KLRF1: variants seen among roughly 807,000 people sequenced by gnomAD.
KLRF1 encodes killer cell lectin like receptor F1.
In KLRF1, 27 loss-of-function variants were observed where a neutral mutation model predicts 30.7. The observed-to-expected ratio is 0.88, with a 90% CI of 0.65 to 1.21. The LOEUF (loss-of-function observed/expected upper bound fraction) is 1.21. Among genes scored for constraint, KLRF1 ranks in the 50% most tolerant of loss-of-function variants. KLRF1 has a pLI of 0.00. For synonymous variants in KLRF1, 92 were observed against 89.3 expected (o/e 1.03, Z -0.17); for missense variants, 246 against 259.3 (o/e 0.95, Z 0.35).
rs376493700 is a variant in KLRF1 at position 9,833,455 on chromosome 12, A to G, written c.334+3A>G. 2.4e-5 allele frequency: 39 copies of G among 1,598,850 alleles called. No homozygotes were observed. In the South Asian group the frequency reaches 3.3e-4, roughly 13 times the overall value. On this transcript the variant is annotated splice_donor_region_variant and intron_variant, in intron 3 of 5. Coordinates refer to ENST00000617889, the MANE Select transcript of KLRF1 (RefSeq NM_016523.3). ...TTCGAGATCTGCAGACCAGACAGGT[A>G]TGTCTCAAGGCTTTGGCTTATCCTA...
chr12:9,844,490 C>T lies in KLRF1; in HGVS notation c.660C>T (p.Thr220=), dbSNP rs778776475. 9.9e-6 allele frequency: 16 copies of T among 1,608,386 alleles called. No homozygotes were observed. The African/African-American group carries it at 1.9e-4, about 19-fold the overall frequency. The part of the protein sequence containing the change: ...AIKESKIFSE[T]CSSVFKWICQ... ...AGGAAAGCAAAATTTTCTCTGAAAC[C>T]TGCAGCAGTGTTTTCAAATGGATTT... The change falls in exon 6 of 6, where the codon ACC becomes ACT. Residue 220 remains threonine (T), a synonymous_variant. Coordinates refer to ENST00000617889, the MANE Select transcript of KLRF1 (RefSeq NM_016523.3).
intron 1 of KLRF1, among the ~76,000 whole-genome samples, chr12:9,827,880 A>T (rs1297165273): frequency 6.6e-6 from 1 of 152,178 alleles, no homozygotes; most frequent in Non-Finnish European, 1.5e-5. Context: ...ATTTAATCTT[A>T]CAAATTTACT....
intron 1 of KLRF1, among the ~76,000 whole-genome samples, chr12:9,829,899 G>C (rs994788826): frequency 1.3e-5 from 2 of 152,054 alleles, no homozygotes; most frequent in Non-Finnish European, 2.9e-5. Flanking sequence ...TCACTCTTTT[G>C]TTCTTTCAGA....
chr12:9,843,203 T>C (rs1271552858), intron 5 of KLRF1, among the ~76,000 whole-genome samples: 4 of 152,192 alleles, frequency 2.6e-5, no homozygotes, highest in African/African-American at 9.6e-5. Flanking sequence ...ATTCATATGA[T>C]GTGAAATCAC....
intron 3 of KLRF1, among the ~76,000 whole-genome samples, chr12:9,841,227 T>C (rs188557254): frequency 4.9e-4 from 74 of 152,134 alleles, no homozygotes; most frequent in African/African-American, 1.7e-3. Flanking sequence ...AGCCAAACAT[T>C]GCATGTTCTC....
At chr12:9,826,820 T>G (rs1363200438), upstream of KLRF1, among the ~76,000 whole-genome samples, 1 of 152,106 alleles carries the variant, frequency 6.6e-6, no homozygotes, top group African/African-American at 2.4e-5. Context: ...ATCTAAATGA[T>G]GAGAACACAT....
At chr12:9,805,209 A>G in the KLRF1 span, among the ~76,000 whole-genome samples, 1 of 151,954 alleles carries the variant, frequency 6.6e-6, no homozygotes, top group African/African-American at 2.4e-5. Flanking sequence ...AAATAATAGA[A>G]ATTTATTTCT....
chr12:9,808,869 T>G, the KLRF1 span, among the ~76,000 whole-genome samples: 1 of 152,168 alleles, frequency 6.6e-6, no homozygotes, highest in Non-Finnish European at 1.5e-5. Flanking sequence ...CTGAGATGTA[T>G]GCCACAGAAT....
the KLRF1 span, among the ~76,000 whole-genome samples, chr12:9,809,252 G>A: frequency 4.6e-5 from 7 of 152,134 alleles, no homozygotes; most frequent in Non-Finnish European, 1.0e-4. Flanking sequence ...ATAAGATTGT[G>A]TGAAGTAATG....
At chr12:9,817,401 C>G in the KLRF1 span, 3 of 392,282 alleles carry the variant, frequency 7.6e-6, no homozygotes, top group Non-Finnish European at 1.5e-5. Flanking sequence ...TAGCTGATCT[C>G]TAGTTTCTCT....
intron 3 of KLRF1, among the ~76,000 whole-genome samples, chr12:9,836,107 G>A (rs1048393762): frequency 6.6e-5 from 10 of 152,186 alleles, no homozygotes; most frequent in Admixed American, 6.5e-4. Flanking sequence ...GAAATGGCTA[G>A]GAGAGAATAA....
At chr12:9,807,419 G>A in the KLRF1 span, among the ~76,000 whole-genome samples, 2 of 151,782 alleles carry the variant, frequency 1.3e-5, no homozygotes, top group South Asian at 4.2e-4. Context: ...TGTTTCTCAG[G>A]TATCTGATAC....
At chr12:9,805,910 CGTATTTTCTTG>C in the KLRF1 span, among the ~76,000 whole-genome samples, 1 of 151,608 alleles carries the variant, frequency 6.6e-6, no homozygotes, top group African/African-American at 2.4e-5. Context: ...TGGTATTTTC[CGTATTTTCTTG>C]GTCAGTCTAC....
the KLRF1 span, among the ~76,000 whole-genome samples, chr12:9,815,039 C>T: frequency 6.6e-6 from 1 of 152,014 alleles, no homozygotes; most frequent in Admixed American, 6.6e-5. Flanking sequence ...GATGGATATC[C>T]TAAACACCCT....
intron 3 of KLRF1, among the ~76,000 whole-genome samples, chr12:9,835,559 A>G (rs1199302654): frequency 6.6e-6 from 1 of 152,124 alleles, no homozygotes; most frequent in Non-Finnish European, 1.5e-5. Context: ...AGTGAAATAC[A>G]GGGTAAGTGT....
At chr12:9,815,652 T>C in the KLRF1 span, among the ~76,000 whole-genome samples, 1 of 152,214 alleles carries the variant, frequency 6.6e-6, no homozygotes, top group Non-Finnish European at 1.5e-5. Flanking sequence ...GGTGTGTTTC[T>C]TGGGTTGGCC....
At chr12:9,838,414 T>C (rs1867631309) in intron 3 of KLRF1, among the ~76,000 whole-genome samples, 1 of 152,114 alleles carries the variant, frequency 6.6e-6, no homozygotes, top group Admixed American at 6.6e-5. Context: ...CTATTAAAAT[T>C]GGCCCCATTT....
chr12:9,813,850 G>C, the KLRF1 span, among the ~76,000 whole-genome samples: 1 of 152,104 alleles, frequency 6.6e-6, no homozygotes, highest in Non-Finnish European at 1.5e-5. Flanking sequence ...AGCCCTGGGG[G>C]CCCCGAGACT....
chr12:9,815,879 C>T, the KLRF1 span, among the ~76,000 whole-genome samples: 5 of 152,148 alleles, frequency 3.3e-5, no homozygotes, highest in South Asian at 2.1e-4. Context: ...AGTGCAATGG[C>T]GTGATCTCAG....
Sources: allele counts gnomAD v4.1 joint callset (sites outside exome capture counted in the v4.1 genomes callset), GRCh38; gene constraint gnomAD v4.1.1; transcripts MANE v1.5; gene names NCBI Gene and HGNC (gene_info 2026-07-23, HGNC 2026-07-21).